GNG7: variants seen among roughly 807,000 people sequenced by gnomAD.
The protein encoded by GNG7 is guanine nucleotide-binding protein G(I)/G(S)/G(O) subunit gamma-7.
Under a neutral mutation model 4.0 loss-of-function variants are expected in GNG7, and 1 was observed. The observed-to-expected ratio is 0.25, with a 90% CI of 0.09 to 1.18. The LOEUF (loss-of-function observed/expected upper bound fraction) is 1.18, where lower values mean the gene tolerates loss of function less well. GNG7 is among the 50% of genes most tolerant of loss of function. The probability of loss-of-function intolerance (pLI) is 0.50; values close to 1 mark genes in which losing one functional copy is unlikely to be tolerated. For missense variants in GNG7, 86 were observed against 91.9 expected (o/e 0.94, Z 0.26); for synonymous variants, 34 against 36.9 (o/e 0.92, Z 0.29).
intron 2 of GNG7, among the ~76,000 whole-genome samples, chr19:2,601,133 C>A (rs77445319): frequency 4.6e-5 from 7 of 152,022 alleles, no homozygotes; most frequent in South Asian, 2.1e-4. Flanking sequence ...AGACCTCCCC[C>A]CCGCCACCAT....
intron 1 of GNG7, among the ~76,000 whole-genome samples, chr19:2,667,082 G>T (rs189743961): frequency 4.6e-5 from 7 of 152,350 alleles, no homozygotes; most frequent in Admixed American, 3.3e-4. Flanking sequence ...CACTTTGGGA[G>T]GCTGAGGCGG....
intron 2 of GNG7, among the ~76,000 whole-genome samples, chr19:2,600,949 GA>G (rs1981180373): frequency 2.0e-5 from 3 of 152,178 alleles, no homozygotes; most frequent in Non-Finnish European, 4.4e-5. Flanking sequence ...CCTCAAAGCT[GA>G]AAAGTACGGC....
chr19:2,671,880 T>C (rs1343091603), intron 1 of GNG7, among the ~76,000 whole-genome samples: 2 of 151,660 alleles, frequency 1.3e-5, no homozygotes, highest in African/African-American at 4.8e-5. Context: ...TGAAACCTCG[T>C]CTCTACTAAA....
At chr19:2,661,302 G>GAAAGAAAGAGAAAGAAAGAAAGAA in intron 1 of GNG7, among the ~76,000 whole-genome samples, 1 of 73,124 alleles carries the variant, frequency 1.4e-5, no homozygotes, top group East Asian at 4.2e-4. Context: ...AAGAAAGAAA[G>GAAAGAAAGAGAAAGAAAGAAAGAA]AGAAAGAAAG....
chr19:2,674,730 C>T (rs1289085053), intron 1 of GNG7, among the ~76,000 whole-genome samples: 1 of 152,238 alleles, frequency 6.6e-6, no homozygotes, highest in African/African-American at 2.4e-5. Flanking sequence ...GCTACTGCGT[C>T]TGGCCTGCAA....
chr19:2,696,374 A>G (rs549681114), intron 1 of GNG7, among the ~76,000 whole-genome samples: 11 of 151,774 alleles, frequency 7.2e-5, no homozygotes, highest in African/African-American at 2.4e-4. Context: ...GAAAGAAAGG[A>G]AAGGAAGGGA....
intron 2 of GNG7, among the ~76,000 whole-genome samples, chr19:2,599,344 T>C (rs984151022): frequency 1.3e-5 from 2 of 151,958 alleles, no homozygotes; most frequent in African/African-American, 4.8e-5. Flanking sequence ...CACCCCTTCC[T>C]CCTCCCAGCC....
chr19:2,560,507 G>A (rs558756284), intron 2 of GNG7, among the ~76,000 whole-genome samples: 55 of 152,192 alleles, frequency 3.6e-4, no homozygotes, highest in African/African-American at 1.3e-3. Flanking sequence ...CCTGCTCCCA[G>A]GGGACCCTGG....
chr19:2,559,801 C>CACGCTGGGCTAACTTTTGTATTTTTT (rs1568243505), intron 2 of GNG7, among the ~76,000 whole-genome samples: 3 of 152,144 alleles, frequency 2.0e-5, no homozygotes, highest in African/African-American at 7.2e-5. Context: ...CGTGAGCCAC[C>CACGCTGGGCTAACTTTTGTATTTTTT]GTGCCTGGCT....
chr19:2,518,721 C>T (rs1350889377), intron 4 of GNG7, among the ~76,000 whole-genome samples: 2 of 152,088 alleles, frequency 1.3e-5, no homozygotes, highest in African/African-American at 2.4e-5. Flanking sequence ...TGAGTGGATA[C>T]GTGGGGTGAT....
chr19:2,628,742 C>T (rs1030018926), intron 2 of GNG7, among the ~76,000 whole-genome samples: 3 of 151,128 alleles, frequency 2.0e-5, no homozygotes, highest in Non-Finnish European at 4.4e-5. Flanking sequence ...TTTGACACCT[C>T]GGGATGTGCT....
intron 4 of GNG7, among the ~76,000 whole-genome samples, chr19:2,517,291 C>T (rs1199511456): frequency 6.6e-6 from 1 of 152,146 alleles, no homozygotes; most frequent in Non-Finnish European, 1.5e-5. Context: ...GATTCTCCCG[C>T]CTCAGCTGGG....
At chr19:2,640,993 T>A (rs1982489724) in intron 2 of GNG7, among the ~76,000 whole-genome samples, 1 of 152,170 alleles carries the variant, frequency 6.6e-6, no homozygotes, top group Non-Finnish European at 1.5e-5. Context: ...ATCCCTAAAA[T>A]GACCTGCTTG....
In GNG7 at chr19:2,514,377, AC is replaced by A. The variant is rs541780278; in HGVS notation, c.*644del. The A allele has an allele frequency of 3.6e-3, 552 of 152,100 alleles. 3 individuals carry two copies. The highest frequency in any genetic ancestry group is 0.02 in the Middle Eastern group (6 of 294). 9.4% of individuals were successfully genotyped at this position (152,100 alleles called of 1,614,324 possible). ...TTTTCATAGACGAAGCCCCCTCCAG[AC>A]CCCCACACTCCATCGTGCATTCATT... On this transcript the variant is annotated 3_prime_UTR_variant, in exon 5 of 5. Coordinates refer to ENST00000382159, the MANE Select transcript of GNG7 (RefSeq NM_052847.3).
intron 2 of GNG7, among the ~76,000 whole-genome samples, chr19:2,594,368 C>T (rs1980944388): frequency 6.9e-6 from 1 of 145,738 alleles, no homozygotes; most frequent in African/African-American, 2.6e-5. Flanking sequence ...GAGTGAGACT[C>T]CCTCAAGAAA....
intron 2 of GNG7, among the ~76,000 whole-genome samples, chr19:2,568,532 T>C (rs1980024612): frequency 2.0e-5 from 3 of 149,492 alleles, no homozygotes; most frequent in Non-Finnish European, 4.4e-5. Context: ...CACGTGCACA[T>C]ATACACACAT....
At chr19:2,692,062 C>A (rs926452107) in intron 1 of GNG7, among the ~76,000 whole-genome samples, 6 of 152,164 alleles carry the variant, frequency 3.9e-5, no homozygotes, top group Non-Finnish European at 7.4e-5. Flanking sequence ...ACCGTGACTT[C>A]AGACTCCTGG....
intron 2 of GNG7, among the ~76,000 whole-genome samples, chr19:2,602,322 G>A (rs920781930): frequency 6.7e-6 from 1 of 149,828 alleles, no homozygotes; most frequent in African/African-American, 2.5e-5. Context: ...GGGCGACAGA[G>A]CGAGACTCCG....
At chr19:2,647,577 G>A (rs1288349095) in intron 1 of GNG7, among the ~76,000 whole-genome samples, 2 of 152,116 alleles carry the variant, frequency 1.3e-5, no homozygotes, top group Non-Finnish European at 2.9e-5. Context: ...AATTAGGAGG[G>A]TGTAGTGGTG....
Sources: allele counts gnomAD v4.1 joint callset (sites outside exome capture counted in the v4.1 genomes callset), GRCh38; gene constraint gnomAD v4.1.1; transcripts MANE v1.5; gene names NCBI Gene and HGNC (gene_info 2026-07-23, HGNC 2026-07-21).